The following PIGF variants were observed in gnomAD, a reference collection of about 807,000 sequenced individuals.
PIGF encodes GPI ethanolamine phosphate transferase, stabilizing subunit.
In PIGF, 23 loss-of-function variants were observed where a neutral mutation model predicts 26.0. The ratio of observed to expected loss-of-function variants is 0.88; its 90% CI spans 0.64 to 1.25. The LOEUF (loss-of-function observed/expected upper bound fraction) is 1.25, where lower values mean the gene tolerates loss of function less well. PIGF is among the 50% of genes most tolerant of loss of function. The pLI is 0.00. For synonymous variants in PIGF, 93 were observed against 92.6 expected (o/e 1.00, Z -0.03); for missense variants, 278 against 249.9 (o/e 1.11, Z -0.76).
At chr2:46,616,912 C>A (rs1670658068) in intron 1 of PIGF, 58 bp downstream of exon 1, 1 of 399,606 alleles carries the variant, frequency 2.5e-6, no homozygotes, top group East Asian at 6.2e-5. Flanking sequence ...TTCGGCAATT[C>A]GCGGGGGTAG....
chr2:46,602,292 T>G (rs929887440), intron 4 of PIGF, among the ~76,000 whole-genome samples: 1 of 151,966 alleles, frequency 6.6e-6, no homozygotes, highest in Non-Finnish European at 1.5e-5. Context: ...AGTATCAGAA[T>G]TGATCCTTAA....
At chr2:46,607,725 C>T (rs1464980098) in intron 4 of PIGF, among the ~76,000 whole-genome samples, 3 of 151,514 alleles carry the variant, frequency 2.0e-5, no homozygotes, top group Admixed American at 6.6e-5. Flanking sequence ...GACTGAGTCT[C>T]GCTCTATCGC....
chr2:46,581,003 A>T lies in PIGF; in HGVS notation c.*475T>A, dbSNP rs1292240388. 1.9e-6 allele frequency: 3 copies of T among 1,591,178 alleles called. No homozygotes were observed. In the African/African-American group the frequency reaches 4.1e-5, roughly 22 times the overall value. ...GAAGACTGTTTTTGATGAGGCTATCATAGCCATTTTAACTCCAAAGAAACA... is the reference window on the plus strand; with the variant it reads ...GAAGACTGTTTTTGATGAGGCTATCTTAGCCATTTTAACTCCAAAGAAACA... On this transcript the variant is annotated 3_prime_UTR_variant, in exon 6 of 6. Coordinates refer to ENST00000281382, the MANE Select transcript of PIGF (RefSeq NM_002643.4).
intron 1 of PIGF, 32 bp downstream of exon 1, chr2:46,616,938 G>A: frequency 3.2e-6 from 1 of 309,888 alleles, no homozygotes; most frequent in Non-Finnish European, 5.4e-6. Flanking sequence ...ACCTCGTGAG[G>A]CGAGACGCCG....
intron 4 of PIGF, among the ~76,000 whole-genome samples, chr2:46,609,204 T>C (rs952693426): frequency 2.0e-5 from 3 of 152,264 alleles, no homozygotes; most frequent in African/African-American, 7.2e-5. Flanking sequence ...TTTTATGTGA[T>C]GGCGATGGCC....
intron 5 of PIGF, among the ~76,000 whole-genome samples, chr2:46,586,725 A>T (rs780506046): frequency 6.6e-6 from 1 of 152,246 alleles, no homozygotes; most frequent in Non-Finnish European, 1.5e-5. Context: ...CTGGTTATAA[A>T]TAATCATTTA....
At chr2:46,611,601 G>A (rs928269248) in intron 4 of PIGF, among the ~76,000 whole-genome samples, 6 of 152,076 alleles carry the variant, frequency 3.9e-5, no homozygotes, top group African/African-American at 1.4e-4. Context: ...GTGATAAATA[G>A]GAAAGAATCA....
chr2:46,603,922 C>T (rs1461712416), intron 4 of PIGF, among the ~76,000 whole-genome samples: 1 of 151,960 alleles, frequency 6.6e-6, no homozygotes, highest in Admixed American at 6.6e-5. Flanking sequence ...GAAGAGACAA[C>T]CCACAGAATG....
chr2:46,595,533 G>A (rs1018393088), intron 4 of PIGF, among the ~76,000 whole-genome samples: 5 of 152,050 alleles, frequency 3.3e-5, no homozygotes, highest in African/African-American at 1.2e-4. Context: ...CTACTTTTTG[G>A]TTATTATGAA....
At chr2:46,614,254 A>G (rs1282001004) in intron 2 of PIGF, 2 of 153,106 alleles carry the variant, frequency 1.3e-5, no homozygotes, top group Non-Finnish European at 2.9e-5. Context: ...TCACACTCAT[A>G]TTACACAACC....
At chr2:46,612,651 T>G (rs1055286548) in intron 3 of PIGF, among the ~76,000 whole-genome samples, 2 of 138,386 alleles carry the variant, frequency 1.4e-5, no homozygotes, top group African/African-American at 2.6e-5. Context: ...GTTAGCTTTC[T>G]GCTCAATAGT....
intron 5 of PIGF, chr2:46,581,920 G>T: frequency 5.0e-6 from 1 of 200,440 alleles, no homozygotes; most frequent in Non-Finnish European, 1.0e-5. Context: ...TGAACTAGTT[G>T]GTAATTTTTT....
chr2:46,599,315 AG>A (rs1255805425), intron 4 of PIGF, among the ~76,000 whole-genome samples: 4 of 152,204 alleles, frequency 2.6e-5, no homozygotes, highest in Non-Finnish European at 5.9e-5. Flanking sequence ...TTCTTGATAT[AG>A]TGAGTCCCTT....
chr2:46,599,582 TTTTAA>T (rs1488829013), intron 4 of PIGF, among the ~76,000 whole-genome samples: 2 of 152,342 alleles, frequency 1.3e-5, no homozygotes, highest in Admixed American at 6.5e-5. Flanking sequence ...TTCTTGATAT[TTTTAA>T]TTTATGTCCT....
At chr2:46,614,064 C>T in intron 2 of PIGF, 1 of 267,910 alleles carries the variant, frequency 3.7e-6, no homozygotes. Context: ...TAATATAGAG[C>T]TATGTCATTA....
chr2:46,597,996 T>A (rs1476534802), intron 4 of PIGF, among the ~76,000 whole-genome samples: 4 of 152,240 alleles, frequency 2.6e-5, no homozygotes, highest in Non-Finnish European at 4.4e-5. Flanking sequence ...TTTGATCAGA[T>A]CACTTAAGAA....
Position 46,581,178 on chromosome 2 carries a change from A to T in PIGF, c.*300T>A. On this transcript the variant is annotated 3_prime_UTR_variant, in exon 6 of 6. Transcript: ENST00000281382. ...CCAGACCTTTTATAGGTAATGAAGC[A>T]GTTCAAAACTTGAAAGAAAACAAAA... is the stretch of plus-strand genomic sequence containing the variant. 3 of 1,072,268 alleles carry T rather than the reference A, an allele frequency of 2.8e-6. No individual in the cohort carries two copies. The highest frequency in any genetic ancestry group is 2.6e-6 in the Non-Finnish European group (2 of 755,198). 66.4% of individuals were successfully genotyped at this position (1,072,268 alleles called of 1,614,324 possible).
chr2:46,591,566 T>C (rs1669723089), intron 5 of PIGF: 2 of 940,166 alleles, frequency 2.1e-6, no homozygotes, highest in African/African-American at 1.8e-5. Flanking sequence ...CAAGAAGCTA[T>C]AGATTCAAAG....
chr2:46,588,280 C>A lies in PIGF; in HGVS notation c.546+4195G>T. 1 of 1,434,900 alleles carries A rather than the reference C, an allele frequency of 7.0e-7. No homozygotes were observed. Among genetic ancestry groups the A allele is most frequent in the Non-Finnish European group, 9.3e-7 (1 of 1,070,952 alleles). 88.9% of individuals were successfully genotyped at this position (1,434,900 alleles called of 1,614,324 possible). A position where few individuals can be genotyped will look rare whatever the true frequency, so the allele number is the denominator to read the frequency against. On this transcript the variant is annotated intron_variant, in intron 5 of 5. Transcript: ENST00000281382. The surrounding 1 kb of genome is among the most constrained non-coding windows in gnomAD (Gnocchi z 4.1). ...TAGATAAATTAACAGTCCACTCTAC[C>A]AACTGAAAGACTGCTGGGCAGAAAA...
Sources: gnomAD v4.1 joint callset for allele counts (sites outside exome capture counted in the v4.1 genomes callset) on GRCh38, gnomAD v4.1.1 for gene constraint, Gnocchi (gnomAD v3.1) non-coding constraint, MANE v1.5 for transcripts, NCBI Gene and HGNC (gene_info 2026-07-23, HGNC 2026-07-21) for gene names.